INPP5D: variants seen among roughly 807,000 people sequenced by gnomAD.
The protein encoded by INPP5D is inositol polyphosphate-5-phosphatase D.
INPP5D carries 33 observed loss-of-function variants against 122.9 expected under a neutral mutation model. The observed-to-expected ratio is 0.27, with a 90% CI of 0.20 to 0.36. INPP5D has a LOEUF of 0.36. Ranked by LOEUF, INPP5D falls within the 10% of genes least tolerant of loss-of-function variation. The pLI is 1.00. For missense variants in INPP5D, 1,053 were observed against 1,412.7 expected (o/e 0.75, Z 4.08); for synonymous variants, 584 against 576.2 (o/e 1.01, Z -0.19).
Position 233,074,655 on chromosome 2 carries a change from G to A in INPP5D, c.135-4680G>A, listed in dbSNP as rs554782824. The stretch of plus-strand genomic sequence containing the variant: ...TTTGAACGCAGGGTTTCCAGCCCCC[G>A]TTCTCCTACCCCATCTTGTCCAGAA... On this transcript the variant is annotated intron_variant, in intron 1 of 26. Transcript: ENST00000445964. Among the ~76,000 whole-genome samples, 48 of 151,600 alleles carry A rather than the reference G, an allele frequency of 3.2e-4. 1 individual carries two copies. Among genetic ancestry groups the A allele is most frequent in the South Asian group, 1.0e-3 (5 of 4,804 alleles).
At position 233,183,510 on chromosome 2, in the gene INPP5D, T is replaced by C. The variant is rs1694834812; in HGVS notation, c.2162-898T>C. On this transcript the variant is annotated intron_variant, in intron 19 of 26. Transcript: ENST00000445964. This position sits in a 1 kb window ranked among gnomAD's most constrained non-coding sequence, Gnocchi z 4.6. ...GCCTTTCTAGAATCTTCCTAGTCCT[T>C]AGGCAGGACCTCTTCCCCGACTTCC... Among the ~76,000 whole-genome samples, 1 of 152,164 alleles carries C rather than the reference T, an allele frequency of 6.6e-6. No individual in the cohort carries two copies. The highest frequency in any genetic ancestry group is 2.4e-5 in the African/African-American group (1 of 41,420).
At chr2:233,064,764 C>A (rs983567160) in intron 1 of INPP5D, among the ~76,000 whole-genome samples, 1 of 152,170 alleles carries the variant, frequency 6.6e-6, no homozygotes, top group Non-Finnish European at 1.5e-5. Context: ...CGTGATGGAG[C>A]CGCAGAGAAG....
intron 2 of INPP5D, among the ~76,000 whole-genome samples, chr2:233,096,213 C>T (rs1432104594): frequency 6.6e-6 from 1 of 152,186 alleles, no homozygotes; most frequent in East Asian, 1.9e-4. Context: ...GGGGCTCTTC[C>T]GAGTGACCTT....
intron 1 of INPP5D, among the ~76,000 whole-genome samples, chr2:233,065,576 T>TTTCC (rs770047622): frequency 1.1e-5 from 1 of 89,678 alleles, no homozygotes; most frequent in Non-Finnish European, 2.2e-5. Context: ...TCTTTCTTTC[T>TTTCC]TTCCTTCTTT....
In INPP5D at chr2:233,160,884, C is replaced by G. The variant is rs1366534618; in HGVS notation, c.1138-840C>G. On this transcript the variant is annotated intron_variant, in intron 10 of 26. Coordinates refer to ENST00000445964, the MANE Select transcript of INPP5D (RefSeq NM_001017915.3). This position sits in a 1 kb window ranked among gnomAD's most constrained non-coding sequence, Gnocchi z 4.2. ...TCCTGGGATCAAACAATCCTTCTGC[C>G]TCAGCCTCCCAAAGTCCTGGGATTA... is the stretch of plus-strand genomic sequence containing the variant. 6.6e-6 allele frequency among the ~76,000 whole-genome samples: 1 copy of G among 152,174 alleles called. No homozygotes were observed. The highest frequency in any genetic ancestry group is 1.5e-5 in the Non-Finnish European group (1 of 68,036).
At chr2:233,145,318 G>A (rs1340498092) in intron 6 of INPP5D, 1 of 456,164 alleles carries the variant, frequency 2.2e-6, no homozygotes, top group Non-Finnish European at 4.4e-6. Flanking sequence ...TGTATGTACT[G>A]AACAACTTAA....
rs527896923 is a variant in INPP5D at position 233,119,963 on chromosome 2, G to A, written c.199-2144G>A. On this transcript the variant is annotated intron_variant, in intron 2 of 26. Coordinates refer to ENST00000445964, the MANE Select transcript of INPP5D (RefSeq NM_001017915.3). ...CCAATCCCAGTAGATATCTGACTTGGAGGCGGAAAGGCCAACGCTTGGCCC... is the reference window on the plus strand; with the variant it reads ...CCAATCCCAGTAGATATCTGACTTGAAGGCGGAAAGGCCAACGCTTGGCCC... Among the ~76,000 whole-genome samples the A allele has an allele frequency of 1.3e-4, 20 of 152,304 alleles. No homozygotes were observed. In the South Asian group the frequency reaches 3.9e-3, roughly 30 times the overall value.
In INPP5D at chr2:233,189,759, C is replaced by A. The variant is rs527719438; in HGVS notation, c.2359-91C>A. 1.9e-6 allele frequency: 3 copies of A among 1,545,126 alleles called. No individual in the cohort carries two copies. The highest frequency in any genetic ancestry group is 2.3e-5 in the East Asian group (1 of 43,874). ...GATTTAGATCTGATTACTAAGAACA[C>A]CTTTCGTCATCTTCATCCACTTGTC... On this transcript the variant is annotated intron_variant, in intron 21 of 26. Transcript: ENST00000445964. The surrounding 1 kb of genome is among the most constrained non-coding windows in gnomAD (Gnocchi z 5.6).
intron 2 of INPP5D, among the ~76,000 whole-genome samples, chr2:233,103,207 G>A (rs1692367658): frequency 6.6e-6 from 1 of 152,192 alleles, no homozygotes; most frequent in Non-Finnish European, 1.5e-5. Flanking sequence ...TCCCAGTGAT[G>A]GGCATCCAGG....
At chr2:233,096,830 T>C (rs537256074) in intron 2 of INPP5D, among the ~76,000 whole-genome samples, 2 of 152,340 alleles carry the variant, frequency 1.3e-5, no homozygotes, top group East Asian at 3.9e-4. Context: ...GAAAATATTT[T>C]CTCCAGCCTG....
intron 17 of INPP5D, among the ~76,000 whole-genome samples, chr2:233,175,216 T>TAAAA (rs1255059736): frequency 4.8e-4 from 1 of 2,066 alleles, no homozygotes; most frequent in Non-Finnish European, 1.8e-3. Context: ...AGACTCCATC[T>TAAAA]CAAAAAAAAA....
At chr2:233,152,201 G>A (rs761317298) in intron 9 of INPP5D, among the ~76,000 whole-genome samples, 4 of 150,644 alleles carry the variant, frequency 2.7e-5, no homozygotes, top group Non-Finnish European at 5.9e-5. Flanking sequence ...CCTTAGTGCG[G>A]AGTCTGGCTC....
At chr2:233,132,944 C>T (rs937205892) in intron 5 of INPP5D, among the ~76,000 whole-genome samples, 7 of 148,350 alleles carry the variant, frequency 4.7e-5, no homozygotes, top group African/African-American at 1.5e-4. Flanking sequence ...GCTGGAGTGC[C>T]GTGGTGAGAT....
intron 9 of INPP5D, among the ~76,000 whole-genome samples, chr2:233,153,361 T>C (rs1332391278): frequency 6.6e-6 from 1 of 152,134 alleles, no homozygotes; most frequent in African/African-American, 2.4e-5. Flanking sequence ...CATTTCCCTT[T>C]GGGGAGGCTT....
chr2:233,108,608 G>A (rs1692527606), intron 2 of INPP5D, among the ~76,000 whole-genome samples: 2 of 152,108 alleles, frequency 1.3e-5, no homozygotes, highest in South Asian at 4.2e-4. Context: ...CAAGCCCCAG[G>A]AACCCACAAA....
At chr2:233,131,534 TAAA>T (rs754526793) in intron 5 of INPP5D, among the ~76,000 whole-genome samples, 1 of 134,334 alleles carries the variant, frequency 7.4e-6, no homozygotes, top group Non-Finnish European at 1.6e-5. Context: ...CTGTCTCTAC[TAAA>T]AAAAAAAAAA....
rs763570102 is a variant in INPP5D at position 233,204,180 on chromosome 2, G to A, written c.3030G>A (p.Pro1010=). 2.0e-5 allele frequency: 32 copies of A among 1,606,540 alleles called. No individual in the cohort carries two copies. Among genetic ancestry groups the A allele is most frequent in the Admixed American group, 1.2e-4 (7 of 58,678 alleles). ...AGDTLPQEDL[P]LTKPEMFENP... is the part of the protein sequence containing the mutation. ...ACACGCTGCCTCAGGAGGACCTGCC[G>A]CTGACGAAGCCCGAGATGTTTGAGA... The change falls in exon 26 of 27, where the codon CCG becomes CCA. Residue 1010 remains proline (P), a synonymous_variant. Coordinates refer to ENST00000445964, the MANE Select transcript of INPP5D (RefSeq NM_001017915.3).
intron 2 of INPP5D, among the ~76,000 whole-genome samples, chr2:233,111,294 A>G (rs1218887256): frequency 6.6e-6 from 1 of 152,202 alleles, no homozygotes. Context: ...TAGTAGTCTC[A>G]ATAACAATAT....
At chr2:233,169,572 G>C in intron 14 of INPP5D, 171 bp downstream of exon 14, 1 of 992,412 alleles carries the variant, frequency 1.0e-6, no homozygotes, top group Admixed American at 2.9e-5. Context: ...CAGCACCATA[G>C]TGACCTCACG....
Sources: gnomAD v4.1 joint callset for allele counts (sites outside exome capture counted in the v4.1 genomes callset) on GRCh38, gnomAD v4.1.1 for gene constraint, Gnocchi (gnomAD v3.1) non-coding constraint, MANE v1.5 for transcripts, NCBI Gene and HGNC (gene_info 2026-07-23, HGNC 2026-07-21) for gene names.